Variants in ANKRD36B observed in about 807,000 individuals in gnomAD.
ANKRD36B encodes the protein ankyrin repeat domain 36B.
Under a neutral mutation model 135.7 loss-of-function variants are expected in ANKRD36B, and 37 were observed. The ratio of observed to expected loss-of-function variants is 0.27; its 90% CI spans 0.21 to 0.36. The LOEUF (loss-of-function observed/expected upper bound fraction) is 0.36. ANKRD36B is among the 10% of genes least tolerant of loss of function. The probability of loss-of-function intolerance (pLI) is 1.00; values close to 1 mark genes in which losing one functional copy is unlikely to be tolerated. For missense variants in ANKRD36B, 549 were observed against 1,037.1 expected (o/e 0.53, Z 6.46); for synonymous variants, 179 against 348.1 (o/e 0.51, Z 5.41).
At chr2:97,546,824 G>A (rs868840341) in intron 22 of ANKRD36B, among the ~76,000 whole-genome samples, 13 of 151,508 alleles carry the variant, frequency 8.6e-5, no homozygotes, top group South Asian at 2.1e-4. Context: ...CAAGATTATC[G>A]CATTTTTATA....
Position 97,567,288 on chromosome 2 carries a change from TGCTCTCCAAATCCAA to T in ANKRD36B, c.764-6443_764-6429del, listed in dbSNP as rs1469466305. Among the ~76,000 whole-genome samples the T allele has an allele frequency of 1.5e-4, 22 of 148,694 alleles. 1 individual carries two copies. Among genetic ancestry groups the T allele is most frequent in the African/African-American group, 5.4e-4 (22 of 40,472 alleles). ...AGGTAGCTGAATACAGCTACCTGGA[TGCTCTCCAAATCCAA>T]TCCTTTTGGGATTTTATGAAAGCTT... On this transcript the variant is annotated intron_variant, in intron 6 of 43. Coordinates refer to ENST00000359901, the MANE Select transcript of ANKRD36B (RefSeq NM_001393939.1).
At chr2:97,548,598 C>T (rs1418231375) in intron 20 of ANKRD36B, among the ~76,000 whole-genome samples, 3 of 151,886 alleles carry the variant, frequency 2.0e-5, no homozygotes, top group Non-Finnish European at 4.4e-5. Context: ...TTGGGAGTAT[C>T]ATGTTGTTCT....
rs1313512223 is a variant in ANKRD36B at position 97,558,784 on chromosome 2, G to A, written c.967+15C>T. ...CTTGACTGAACATGACATTAAATGT[G>A]TTTTGCAAAATTACCTGTCCCAGAT... On this transcript the variant is annotated intron_variant, in intron 10 of 43. Coordinates refer to ENST00000359901, the MANE Select transcript of ANKRD36B (RefSeq NM_001393939.1). The A allele has an allele frequency of 1.7e-5, 28 of 1,610,766 alleles. No homozygotes were observed. The highest frequency in any genetic ancestry group is 2.4e-5 in the Non-Finnish European group (28 of 1,178,512).
At chr2:97,581,072 G>GAGA (rs1300193919) in intron 3 of ANKRD36B, among the ~76,000 whole-genome samples, 6 of 128,602 alleles carry the variant, frequency 4.7e-5, no homozygotes, top group Non-Finnish European at 6.3e-5. Context: ...CCCCAAAAGA[G>GAGA]AGACTCCATG....
chr2:97,511,224 CTAG>C lies in ANKRD36B; in HGVS notation c.3631_3633del (p.Leu1211del). On this transcript the variant is annotated inframe_deletion, in exon 39 of 44. Coordinates refer to ENST00000359901, the MANE Select transcript of ANKRD36B (RefSeq NM_001393939.1). ...TTGACCAACATTTTATTGTCTTCTT[CTAG>C]TAAAAGACGGTGCTTTCTGCACTCA... The C allele has an allele frequency of 2.1e-6, 1 of 481,320 alleles. No homozygotes were observed. Among genetic ancestry groups the C allele is most frequent in the East Asian group, 3.3e-5 (1 of 29,964 alleles). 29.8% of individuals were successfully genotyped at this position (481,320 alleles called of 1,614,324 possible).
chr2:97,494,777 A>G (rs573957719), intron 43 of ANKRD36B, among the ~76,000 whole-genome samples: 2 of 77,064 alleles, frequency 2.6e-5, no homozygotes, highest in South Asian at 5.5e-4. Context: ...ATTCTCTGTC[A>G]TTATTCCTTT....
At chr2:97,575,804 T>C (rs1257845272) in intron 6 of ANKRD36B, among the ~76,000 whole-genome samples, 2 of 152,086 alleles carry the variant, frequency 1.3e-5, no homozygotes, top group African/African-American at 2.4e-5. Flanking sequence ...TTACACTAGA[T>C]TGATAGTAGT....
At chr2:97,563,832 G>C (rs1402181162) in intron 6 of ANKRD36B, among the ~76,000 whole-genome samples, 1 of 152,068 alleles carries the variant, frequency 6.6e-6, no homozygotes, top group Admixed American at 6.6e-5. Context: ...ATCAATAAAA[G>C]CAACCACATA....
chr2:97,552,548 T>C (rs1370958640), intron 16 of ANKRD36B, among the ~76,000 whole-genome samples: 1 of 151,966 alleles, frequency 6.6e-6, no homozygotes, highest in Non-Finnish European at 1.5e-5. Context: ...CATTGTTTCC[T>C]GCTTCCAATA....
chr2:97,580,185 A>T (rs2082535095), intron 4 of ANKRD36B, among the ~76,000 whole-genome samples: 1 of 152,260 alleles, frequency 6.6e-6, no homozygotes. Flanking sequence ...AATAACAAAC[A>T]TCTATCAATA....
intron 6 of ANKRD36B, among the ~76,000 whole-genome samples, chr2:97,563,639 C>T (rs2442260): frequency 1.3e-5 from 2 of 152,046 alleles, no homozygotes; most frequent in Non-Finnish European, 2.9e-5. Context: ...CTTTGACCAT[C>T]GGCCATTTCC....
intron 6 of ANKRD36B, among the ~76,000 whole-genome samples, chr2:97,567,666 T>C (rs1248858646): frequency 6.6e-6 from 1 of 152,152 alleles, no homozygotes; most frequent in East Asian, 1.9e-4. Flanking sequence ...TGTATACACA[T>C]CATAAGGTTT....
chr2:97,494,332 C>G (rs565407417), intron 43 of ANKRD36B, among the ~76,000 whole-genome samples: 1 of 99,654 alleles, frequency 1.0e-5, no homozygotes, highest in East Asian at 2.2e-4. Flanking sequence ...ATGGCAGTGG[C>G]ATCTGCACAG....
At chr2:97,563,574 T>A (rs144192093) in intron 6 of ANKRD36B, among the ~76,000 whole-genome samples, 5 of 151,976 alleles carry the variant, frequency 3.3e-5, no homozygotes, top group Admixed American at 1.3e-4. Context: ...TAAATTGTGA[T>A]CTGAGTAGTT....
intron 6 of ANKRD36B, among the ~76,000 whole-genome samples, chr2:97,566,132 T>C (rs1454307618): frequency 7.4e-5 from 11 of 148,844 alleles, no homozygotes; most frequent in African/African-American, 2.5e-5. Context: ...TGGCCAAACA[T>C]GGTGAAACCC....
Position 97,553,339 on chromosome 2 carries a change from T to G in ANKRD36B, c.1200+4A>C. 6.2e-7 allele frequency: 1 copy of G among 1,609,742 alleles called. No homozygotes were observed. Among genetic ancestry groups the G allele is most frequent in the Non-Finnish European group, 8.5e-7 (1 of 1,178,612 alleles). The stretch of plus-strand genomic sequence containing the variant: ...GTTCACAACATAAATGAGAGTTCAA[T>G]TACCTTCAAGGCTTGTTGTTTCTGA... On this transcript the variant is annotated splice_donor_region_variant and intron_variant, in intron 15 of 43. Coordinates refer to ENST00000359901, the MANE Select transcript of ANKRD36B (RefSeq NM_001393939.1).
chr2:97,553,200 G>A lies in ANKRD36B; in HGVS notation c.1241C>T (p.Thr414Ile). ...AGATTTTTCTCCATCCTTTATTTCT[G>A]TGGCTATATTAGAAACAGAACCTTC... Reference protein sequence around the residue: ...DEEGSVSNIATEIKDGEKSGT... With the variant: ...DEEGSVSNIAIEIKDGEKSGT... The change falls in exon 16 of 44, where the codon ACA becomes ATA. Residue 414 changes from threonine (T) to isoleucine (I), a missense_variant. Coordinates refer to ENST00000359901, the MANE Select transcript of ANKRD36B (RefSeq NM_001393939.1). 1 of 1,611,270 alleles carries A rather than the reference G, an allele frequency of 6.2e-7. No homozygotes were observed. Among genetic ancestry groups the A allele is most frequent in the Non-Finnish European group, 8.5e-7 (1 of 1,178,722 alleles).
rs879050130 is a variant in ANKRD36B at position 97,549,868 on chromosome 2, G to A, written c.1376-254C>T. ...ATATGTCAAAAACTAAACTAAAACC[G>A]TGTCAATATCAATGTGCATAGGCCA... On this transcript the variant is annotated intron_variant, in intron 18 of 43. Coordinates refer to ENST00000359901, the MANE Select transcript of ANKRD36B (RefSeq NM_001393939.1). Among the ~76,000 whole-genome samples, 253 of 151,236 alleles carry A rather than the reference G, an allele frequency of 1.7e-3. 4 individuals are homozygous for A. The highest frequency in any genetic ancestry group is 0.011 in the East Asian group (58 of 5,132).
At chr2:97,534,043 G>A (rs1447594696) in intron 34 of ANKRD36B, among the ~76,000 whole-genome samples, 1 of 83,992 alleles carries the variant, frequency 1.2e-5, no homozygotes, top group Admixed American at 1.1e-4. Context: ...GAGACAGAGC[G>A]AGACTCCATC....
Sources: gnomAD v4.1 joint callset for allele counts (sites outside exome capture counted in the v4.1 genomes callset) on GRCh38, gnomAD v4.1.1 for gene constraint, MANE v1.5 for transcripts, NCBI Gene and HGNC (gene_info 2026-07-23, HGNC 2026-07-21) for gene names.